The following FAM98A variants were observed in gnomAD, a reference collection of about 807,000 sequenced individuals.
FAM98A encodes tRNA splicing ligase complex subunit 3A, also known as protein FAM98A.
In FAM98A, 25 loss-of-function variants were observed where a neutral mutation model predicts 62.9. The ratio of observed to expected loss-of-function variants is 0.40; its 90% confidence interval spans 0.29 to 0.56. The LOEUF (loss-of-function observed/expected upper bound fraction) is 0.56, where lower values mean the gene tolerates loss of function less well. Among genes scored for constraint, FAM98A ranks in the 20% least tolerant of loss-of-function variants. FAM98A has a pLI of 0.51. For synonymous variants in FAM98A, 252 were observed against 228.6 expected, an observed-to-expected ratio of 1.10 and a Z score of -0.92; for missense variants, 653 against 640.7, an observed-to-expected ratio of 1.02 and a Z score of -0.21.
chr2:33,598,850 T>A (rs1475791822), intron 1 of FAM98A, among the ~76,000 whole-genome samples: 1 of 151,882 alleles, frequency 6.6e-6, no homozygotes, highest in Non-Finnish European at 1.5e-5. Context: ...GGCAGGAGGA[T>A]GAAGCGAGGA....
In FAM98A at chr2:33,585,149, T is replaced by G. The variant is rs749671080; in HGVS notation, c.1184A>C (p.Gln395Pro). Residue 395 changes from glutamine (Q) to proline (P), a missense_variant, in exon 8 of 8, where the codon CAA becomes CCA. Transcript: ENST00000238823. ...DGGSGGGGGY[Q>P]DGGYRDSGFQ... is the part of the protein sequence containing the mutation. ...ACCTGAATCTCGATAACCACCATCT[T>G]GGTAGCCACCTCCTCCACCACTCCC... 6.2e-7 allele frequency: 1 copy of G among 1,614,184 alleles called. No individual in the cohort carries two copies. The highest frequency in any genetic ancestry group is 2.2e-5 in the East Asian group (1 of 44,882).
At chr2:33,592,955 G>A (rs1677707096) in intron 2 of FAM98A, among the ~76,000 whole-genome samples, 2 of 152,108 alleles carry the variant, frequency 1.3e-5, no homozygotes, top group African/African-American at 4.8e-5. Flanking sequence ...TGACAGATAT[G>A]TCCTCTACTC....
chr2:33,599,260 C>T lies in FAM98A; in HGVS notation c.-39G>A, dbSNP rs565431796. 8.8e-5 allele frequency: 138 copies of T among 1,571,588 alleles called. No homozygotes were observed. The highest frequency in any genetic ancestry group is 1.1e-4 in the Non-Finnish European group (126 of 1,141,210). On this transcript the variant is annotated 5_prime_UTR_variant, in exon 1 of 8. Coordinates refer to ENST00000238823, the MANE Select transcript of FAM98A (RefSeq NM_015475.5). Reference sequence around the variant, plus strand: ...TCAAATTTCCGAGTCGTCAGGCTCCCCTCTTCGCCGGCAACGCGTACACTC... The same window carrying T: ...TCAAATTTCCGAGTCGTCAGGCTCCTCTCTTCGCCGGCAACGCGTACACTC...
At chr2:33,591,552 G>A (rs1249165747) in intron 3 of FAM98A, among the ~76,000 whole-genome samples, 2 of 152,124 alleles carry the variant, frequency 1.3e-5, no homozygotes, top group African/African-American at 4.8e-5. Flanking sequence ...AACAATGCAA[G>A]TATTATTCCA....
intron 2 of FAM98A, among the ~76,000 whole-genome samples, chr2:33,592,770 T>C (rs1677701593): frequency 6.6e-6 from 1 of 152,224 alleles, no homozygotes; most frequent in African/African-American, 2.4e-5. Context: ...TTTTTTTCTG[T>C]CTGCTTTTAA....
At chr2:33,589,927 G>C (rs968881145) in intron 3 of FAM98A, 1 of 152,068 alleles carries the variant, frequency 6.6e-6, no homozygotes, top group Non-Finnish European at 1.5e-5. Context: ...TCTTGTTCTA[G>C]AAAATCATAT....
chr2:33,596,831 G>A (rs1677822733), intron 1 of FAM98A, among the ~76,000 whole-genome samples: 1 of 146,434 alleles, frequency 6.8e-6, no homozygotes, highest in Non-Finnish European at 1.5e-5. Context: ...GGCAGAGCTT[G>A]CAGTTAGCCG....
At position 33,594,646 on chromosome 2, in the gene FAM98A, TATATACACAC is replaced by T. The variant is rs1666632703; in HGVS notation, c.202+833_202+842del. On this transcript the variant is annotated intron_variant, in intron 2 of 7. Transcript: ENST00000238823. ...ATACACACATATATATACACATATA[TATATACACAC>T]ATATATATACACATATATATATACA... 5.8e-5 allele frequency among the ~76,000 whole-genome samples: 5 copies of T among 86,912 alleles called. 1 individual carries two copies. Among genetic ancestry groups the T allele is most frequent in the African/African-American group, 1.8e-4 (2 of 10,854 alleles). The allele number at this position is 86,912 out of a possible 152,430, so 57.0% of individuals were successfully genotyped here.
intron 1 of FAM98A, among the ~76,000 whole-genome samples, chr2:33,596,157 T>A (rs1021779737): frequency 6.6e-6 from 1 of 152,200 alleles, no homozygotes; most frequent in Non-Finnish European, 1.5e-5. Context: ...TGGCTTTTTT[T>A]TTATTTTTTA....
intron 2 of FAM98A, 105 bp downstream of exon 2, chr2:33,595,384 A>G (rs1239219452): frequency 3.0e-6 from 3 of 1,008,796 alleles, no homozygotes; most frequent in African/African-American, 3.4e-5. Context: ...AATTTTTTAC[A>G]TTTACAAAAA....
chr2:33,588,083 T>G (rs1677597514), intron 4 of FAM98A: 1 of 477,148 alleles, frequency 2.1e-6, no homozygotes, highest in African/African-American at 2.0e-5. Context: ...TCTAGCTTAC[T>G]TTAGCTTACA....
chr2:33,595,389 C>CA, intron 2 of FAM98A, 100 bp downstream of exon 2: 1 of 1,070,352 alleles, frequency 9.3e-7, no homozygotes, highest in Non-Finnish European at 1.3e-6. Context: ...TTTACATTTA[C>CA]AAAAACTTGC....
At chr2:33,591,657 T>C (rs1404150499) in intron 3 of FAM98A, among the ~76,000 whole-genome samples, 2 of 152,200 alleles carry the variant, frequency 1.3e-5, no homozygotes, top group African/African-American at 4.8e-5. Context: ...CCATTAACTG[T>C]ATCTACTATT....
intron 3 of FAM98A, chr2:33,589,749 T>C (rs1677630839): frequency 6.6e-6 from 1 of 152,180 alleles, no homozygotes; most frequent in Non-Finnish European, 1.5e-5. Context: ...ACAACCACTG[T>C]TTTTGTACAT....
chr2:33,584,404 C>G lies in FAM98A; in HGVS notation c.*372G>C, dbSNP rs7596614. Reference sequence around the variant, plus strand: ...TTCCTAGTAGTAAATCTAAAAAAGTCTAGGTGAATCCTCATTTTCAAAACT... The same window carrying G: ...TTCCTAGTAGTAAATCTAAAAAAGTGTAGGTGAATCCTCATTTTCAAAACT... On this transcript the variant is annotated 3_prime_UTR_variant, in exon 8 of 8. Transcript: ENST00000238823. The G allele has an allele frequency of 0.077, 15,357 of 199,342 alleles. 800 individuals carry two copies. Among genetic ancestry groups the G allele is most frequent in the African/African-American group, 0.16 (6,832 of 42,982 alleles). The allele number at this position is 199,342 out of a possible 1,614,324, so 12.3% of individuals were successfully genotyped here. A position where few individuals can be genotyped will look rare whatever the true frequency, so the allele number is the denominator to read the frequency against.
At position 33,592,150 on chromosome 2, in the gene FAM98A, C is replaced by T. The variant is rs150646116; in HGVS notation, c.267G>A (p.Pro89=). ...CATCCCCAGATGTCAGTGAAAGATACGGGCAGTTCATCTCCCCTAGTAGCC... is the reference window on the plus strand; with the variant it reads ...CATCCCCAGATGTCAGTGAAAGATATGGGCAGTTCATCTCCCCTAGTAGCC... ...VSGLLGEMNC[P]YLSLTSGDVT... is the part of the protein sequence containing the mutation. Residue 89 remains proline, a synonymous_variant, in exon 3 of 8, where the codon CCG becomes CCA. Transcript: ENST00000238823. 279 of 1,613,082 alleles carry T rather than the reference C, an allele frequency of 1.7e-4. No homozygotes were observed. The East Asian group carries it at 5.2e-3, about 30-fold the overall frequency.
rs1332133078 is a variant in FAM98A, at chr2:33,588,154, T to TA, written c.522+180dup. The TA allele has an allele frequency of 3.3e-5, 20 of 608,888 alleles. No homozygotes were observed. The Admixed American group carries it at 4.1e-4, about 13-fold the overall frequency. 37.7% of individuals were successfully genotyped at this position (608,888 alleles called of 1,614,324 possible). ...TGCTAACATGTTTTTAGGAAAATAC[T>TA]AAAATACTAATTTATCTTTAAGGCA... On this transcript the variant is annotated intron_variant, in intron 4 of 7. Transcript: ENST00000238823.
chr2:33,584,574 T>C lies in FAM98A; in HGVS notation c.*202A>G. ...TTTTTCATAGAAAGGAGAGATGTTA[T>C]GTGTTTCTCAAATAAACGGCATTAT... On this transcript the variant is annotated 3_prime_UTR_variant, in exon 8 of 8. Transcript: ENST00000238823. The C allele has an allele frequency of 1.9e-6, 1 of 526,268 alleles. No homozygotes were observed. Among genetic ancestry groups the C allele is most frequent in the South Asian group, 3.8e-5 (1 of 26,334 alleles). The allele number at this position is 526,268 out of a possible 1,614,324, so 32.6% of individuals were successfully genotyped here. A position where few individuals can be genotyped will look rare whatever the true frequency, so the allele number is the denominator to read the frequency against.
In FAM98A at chr2:33,599,084, C is replaced by CAG. The variant is rs1042842343; in HGVS notation, c.53+83_53+84dup. 1.8e-4 allele frequency: 202 copies of CAG among 1,104,658 alleles called. 1 individual carries two copies. The Middle Eastern group carries it at 3.1e-3, about 17-fold the overall frequency. The allele number at this position is 1,104,658 out of a possible 1,614,324, so 68.4% of individuals were successfully genotyped here. A position where few individuals can be genotyped will look rare whatever the true frequency, so the allele number is the denominator to read the frequency against. On this transcript the variant is annotated intron_variant, in intron 1 of 7. Transcript: ENST00000238823. ...AGCCACGGGGTGCGGCGTGGAGAGGCAGGTGTCTCAGACTGGGGCGCAGGA... is the reference window on the plus strand; with the variant it reads ...AGCCACGGGGTGCGGCGTGGAGAGGCAGAGGTGTCTCAGACTGGGGCGCAGGA...
Sources: allele counts gnomAD v4.1 joint callset (sites outside exome capture counted in the v4.1 genomes callset), GRCh38; gene constraint gnomAD v4.1.1; transcripts MANE v1.5; gene names NCBI Gene and HGNC (gene_info 2026-07-23, HGNC 2026-07-21).